The following IQCM variants were observed in gnomAD, a reference collection of about 807,000 sequenced individuals.
The protein encoded by IQCM is IQ motif containing M.
IQCM carries 45 observed loss-of-function variants against 57.6 expected under a neutral mutation model. The ratio of observed to expected loss-of-function variants is 0.78; its 90% CI spans 0.62 to 1.00. The LOEUF (loss-of-function observed/expected upper bound fraction) is 1.00. IQCM is among the 50% of genes least tolerant of loss of function. IQCM has a pLI of 0.00. For synonymous variants in IQCM, 148 were observed against 158.9 expected (o/e 0.93, Z 0.51); for missense variants, 468 against 511.6 (o/e 0.91, Z 0.82).
intron 12 of IQCM, among the ~76,000 whole-genome samples, chr4:149,473,933 A>T (rs759502040): frequency 6.6e-6 from 1 of 152,062 alleles, no homozygotes; most frequent in African/African-American, 2.4e-5. Flanking sequence ...AATGAGAACA[A>T]TTGGACACAG....
At chr4:149,731,306 AC>A (rs985290085) in intron 5 of IQCM, among the ~76,000 whole-genome samples, 4 of 152,056 alleles carry the variant, frequency 2.6e-5, no homozygotes, top group Non-Finnish European at 4.4e-5. Context: ...CATCCCTTCC[AC>A]CATGTGAAGA....
chr4:149,572,047 G>A (rs1295299750), intron 9 of IQCM, among the ~76,000 whole-genome samples: 1 of 151,882 alleles, frequency 6.6e-6, no homozygotes, highest in Non-Finnish European at 1.5e-5. Flanking sequence ...AGTTATTACT[G>A]AATCTATAAC....
intron 13 of IQCM, among the ~76,000 whole-genome samples, chr4:149,397,029 A>T (rs1732278473): frequency 1.3e-5 from 2 of 151,970 alleles, no homozygotes; most frequent in Admixed American, 6.6e-5. Context: ...TATCTTGGAG[A>T]CACTGATTTC....
chr4:149,719,445 T>C (rs1427087569), intron 5 of IQCM, among the ~76,000 whole-genome samples: 2 of 152,002 alleles, frequency 1.3e-5, no homozygotes, highest in African/African-American at 4.8e-5. Context: ...TATAAGAAAC[T>C]ACCAAGTGAT....
At chr4:149,577,372 A>G (rs1259896241) in intron 9 of IQCM, among the ~76,000 whole-genome samples, 1 of 151,866 alleles carries the variant, frequency 6.6e-6, no homozygotes, top group East Asian at 1.9e-4. Context: ...TAGGTTTTAC[A>G]TTTAAGTCTT....
chr4:149,720,961 A>G (rs2149854268), intron 5 of IQCM, among the ~76,000 whole-genome samples: 1 of 152,230 alleles, frequency 6.6e-6, no homozygotes, highest in Admixed American at 6.5e-5. Context: ...TTTTTTTATA[A>G]ATTGTTATGG....
chr4:149,776,180 A>G (rs1336307316), intron 2 of IQCM, among the ~76,000 whole-genome samples: 1 of 152,152 alleles, frequency 6.6e-6, no homozygotes, highest in African/African-American at 2.4e-5. Flanking sequence ...AAATCAAGCA[A>G]GGATAACAGA....
At chr4:149,474,641 C>T (rs1392257572) in intron 12 of IQCM, among the ~76,000 whole-genome samples, 2 of 151,402 alleles carry the variant, frequency 1.3e-5, no homozygotes, top group African/African-American at 4.9e-5. Flanking sequence ...CGCTTGAACT[C>T]GGGAGGCAGA....
Position 149,528,669 on chromosome 4 carries a change from C to T in IQCM, c.1228+19786G>A, listed in dbSNP as rs1056656675. On this transcript the variant is annotated intron_variant, in intron 12 of 13. Coordinates refer to ENST00000636793, the MANE Select transcript of IQCM (RefSeq NM_001363507.2). Reference sequence around the variant, plus strand: ...AACATGGCAATGAGGATTCTGGGTACAGAAAATGAGTATAAAAGTGTGAAC... The same window carrying T: ...AACATGGCAATGAGGATTCTGGGTATAGAAAATGAGTATAAAAGTGTGAAC... Among the ~76,000 whole-genome samples, 95 of 152,054 alleles carry T rather than the reference C, an allele frequency of 6.2e-4. 1 individual carries two copies. The highest frequency in any genetic ancestry group is 2.1e-3 in the African/African-American group (88 of 41,400).
intron 13 of IQCM, among the ~76,000 whole-genome samples, chr4:149,389,092 T>A (rs1395480584): frequency 6.6e-6 from 1 of 151,906 alleles, no homozygotes; most frequent in Admixed American, 6.6e-5. Flanking sequence ...TACTCTTATG[T>A]TTTATTCTAG....
chr4:149,593,605 G>A (rs1379113229), intron 8 of IQCM, among the ~76,000 whole-genome samples: 1 of 152,008 alleles, frequency 6.6e-6, no homozygotes, highest in Non-Finnish European at 1.5e-5. Flanking sequence ...GTCATACATA[G>A]CTCTTATTAT....
At position 149,617,711 on chromosome 4, in the gene IQCM, A is replaced by G. The variant is rs574874731; in HGVS notation, c.681+3418T>C. On this transcript the variant is annotated intron_variant, in intron 8 of 13. Transcript: ENST00000636793. ...AAATTAGCAGCATTTCAATATACCA[A>G]TAATGATCAAGTTGGAAACCAAATC... 2.0e-5 allele frequency among the ~76,000 whole-genome samples: 3 copies of G among 152,338 alleles called. No homozygotes were observed. In the South Asian group the frequency reaches 6.2e-4, roughly 32 times the overall value.
intron 13 of IQCM, among the ~76,000 whole-genome samples, chr4:149,393,952 G>T (rs1732041799): frequency 6.6e-6 from 1 of 151,922 alleles, no homozygotes; most frequent in Non-Finnish European, 1.5e-5. Flanking sequence ...CTAAACAAAT[G>T]TTGCATGGAT....
At chr4:149,604,271 T>C (rs1754581340) in intron 8 of IQCM, among the ~76,000 whole-genome samples, 1 of 152,166 alleles carries the variant, frequency 6.6e-6, no homozygotes, top group Non-Finnish European at 1.5e-5. Context: ...TTCTTACATA[T>C]GTGTAGGCCC....
intron 13 of IQCM, among the ~76,000 whole-genome samples, chr4:149,384,123 T>G (rs879474045): frequency 7.9e-5 from 12 of 152,172 alleles, no homozygotes; most frequent in Non-Finnish European, 1.5e-4. Flanking sequence ...TTTTTTATAT[T>G]ATAGTTAAGA....
intron 5 of IQCM, among the ~76,000 whole-genome samples, chr4:149,717,695 T>C (rs986664643): frequency 6.6e-6 from 1 of 152,090 alleles, no homozygotes; most frequent in African/African-American, 2.4e-5. Context: ...ATGGGTGAGG[T>C]TGACCAACTT....
At chr4:149,565,044 T>A (rs1372210168) in intron 9 of IQCM, among the ~76,000 whole-genome samples, 1 of 152,140 alleles carries the variant, frequency 6.6e-6, no homozygotes, top group Non-Finnish European at 1.5e-5. Context: ...CTAGTTCTCT[T>A]GCAATTTTTG....
At chr4:149,412,827 CAGA>C (rs1464518404) in intron 13 of IQCM, among the ~76,000 whole-genome samples, 2 of 152,010 alleles carry the variant, frequency 1.3e-5, no homozygotes, top group Admixed American at 1.3e-4. Context: ...GTTTCCAGTC[CAGA>C]AGGAGAGCAG....
At chr4:149,667,191 T>C (rs923510489) in intron 7 of IQCM, among the ~76,000 whole-genome samples, 1 of 152,136 alleles carries the variant, frequency 6.6e-6, no homozygotes, top group Admixed American at 6.5e-5. Flanking sequence ...CTGACTGGCA[T>C]CTGGCATGTG....
Sources: gnomAD v4.1 joint callset for allele counts (sites outside exome capture counted in the v4.1 genomes callset) on GRCh38, gnomAD v4.1.1 for gene constraint, MANE v1.5 for transcripts, NCBI Gene and HGNC (gene_info 2026-07-23, HGNC 2026-07-21) for gene names.